CPPED1: variants seen among roughly 807,000 people sequenced by gnomAD.
The protein encoded by CPPED1 is calcineurin like phosphoesterase domain containing 1.
CPPED1 carries 28 observed loss-of-function variants against 28.0 expected under a neutral mutation model. The observed-to-expected ratio is 1.00, with a 90% CI of 0.74 to 1.37. The LOEUF (loss-of-function observed/expected upper bound fraction) is 1.37, where lower values mean the gene tolerates loss of function less well. Among genes scored for constraint, CPPED1 ranks in the 40% most tolerant of loss-of-function variants. CPPED1 has a pLI of 0.00. For synonymous variants in CPPED1, 198 were observed against 180.2 expected (o/e 1.10, Z -0.79); for missense variants, 504 against 416.5 (o/e 1.21, Z -1.83).
intron 2 of CPPED1, among the ~76,000 whole-genome samples, chr16:12,714,356 T>C (rs1180255205): frequency 6.6e-6 from 1 of 152,232 alleles, no homozygotes; most frequent in Non-Finnish European, 1.5e-5. Flanking sequence ...TGTTTACTTC[T>C]TTAAGAAGCT....
chr16:12,785,566 T>C (rs1190825794), intron 1 of CPPED1, among the ~76,000 whole-genome samples: 2 of 152,060 alleles, frequency 1.3e-5, no homozygotes, highest in Non-Finnish European at 2.9e-5. Context: ...TAGCTGCGAT[T>C]ACAGGCATGC....
intron 2 of CPPED1, 39 bp downstream of exon 2, chr16:12,781,146 T>C (rs970212227): frequency 2.3e-5 from 36 of 1,573,662 alleles, no homozygotes; most frequent in Non-Finnish European, 2.9e-5. Context: ...CATGACCGGC[T>C]GAAGGAGAAA....
intron 3 of CPPED1, among the ~76,000 whole-genome samples, chr16:12,676,206 T>A (rs2079876987): frequency 6.6e-6 from 1 of 152,100 alleles, no homozygotes; most frequent in African/African-American, 2.4e-5. Flanking sequence ...GGGATCCGGG[T>A]AAGGTGGGAG....
At chr16:12,778,653 A>C in intron 2 of CPPED1, among the ~76,000 whole-genome samples, 1 of 152,246 alleles carries the variant, frequency 6.6e-6, no homozygotes, top group East Asian at 1.9e-4. Flanking sequence ...TGCATTTGAT[A>C]ATGAAGAATG....
At chr16:12,732,134 C>T (rs553372586) in intron 2 of CPPED1, among the ~76,000 whole-genome samples, 8 of 149,278 alleles carry the variant, frequency 5.4e-5, no homozygotes, top group East Asian at 3.9e-4. Context: ...GGATGACAAA[C>T]GTGAAACCCG....
At chr16:12,769,296 A>G (rs578174072) in intron 2 of CPPED1, among the ~76,000 whole-genome samples, 1 of 152,192 alleles carries the variant, frequency 6.6e-6, no homozygotes, top group African/African-American at 2.4e-5. Flanking sequence ...CCGTATTTCA[A>G]TAGAATTGGT....
At chr16:12,774,538 T>C (rs2080486843) in intron 2 of CPPED1, among the ~76,000 whole-genome samples, 1 of 152,222 alleles carries the variant, frequency 6.6e-6, no homozygotes, top group African/African-American at 2.4e-5. Context: ...ATCTCTTTTA[T>C]TAACTGACAC....
At chr16:12,677,394 T>C (rs561463556) in intron 3 of CPPED1, among the ~76,000 whole-genome samples, 1 of 152,352 alleles carries the variant, frequency 6.6e-6, no homozygotes, top group South Asian at 2.1e-4. Context: ...ATCCCAGCAC[T>C]TTGGGAGGCC....
At chr16:12,772,640 T>C (rs2080476538) in intron 2 of CPPED1, among the ~76,000 whole-genome samples, 1 of 152,254 alleles carries the variant, frequency 6.6e-6, no homozygotes, top group Non-Finnish European at 1.5e-5. Context: ...GGGACCCTTT[T>C]AACTTCTGAA....
At chr16:12,728,151 T>C (rs1042728268) in intron 2 of CPPED1, among the ~76,000 whole-genome samples, 3 of 152,204 alleles carry the variant, frequency 2.0e-5, no homozygotes, top group African/African-American at 7.2e-5. Context: ...CTTTTCAAAA[T>C]TGCTCTTATC....
chr16:12,802,775 G>A (rs2080668245), intron 1 of CPPED1, among the ~76,000 whole-genome samples: 1 of 152,214 alleles, frequency 6.6e-6, no homozygotes, highest in Non-Finnish European at 1.5e-5. Flanking sequence ...AAGACCCTCA[G>A]GGAAAGAACG....
At chr16:12,731,310 C>T (rs890221398) in intron 2 of CPPED1, among the ~76,000 whole-genome samples, 33 of 151,384 alleles carry the variant, frequency 2.2e-4, no homozygotes, top group Non-Finnish European at 3.5e-4. Flanking sequence ...CCCGCCACCA[C>T]GCCTGGCTGA....
At chr16:12,787,344 T>A (rs967093111) in intron 1 of CPPED1, among the ~76,000 whole-genome samples, 3 of 152,124 alleles carry the variant, frequency 2.0e-5, no homozygotes, top group African/African-American at 4.8e-5. Context: ...AAACATACAT[T>A]TATTTAATTA....
intron 2 of CPPED1, among the ~76,000 whole-genome samples, chr16:12,725,409 A>G (rs533340098): frequency 4.1e-4 from 62 of 152,280 alleles, no homozygotes; most frequent in African/African-American, 1.4e-3. Flanking sequence ...GATTCTTGAC[A>G]AGTGTTTACT....
At chr16:12,710,251 T>G (rs2080073245) in intron 2 of CPPED1, among the ~76,000 whole-genome samples, 1 of 152,072 alleles carries the variant, frequency 6.6e-6, no homozygotes, top group Non-Finnish European at 1.5e-5. Context: ...AAGAAGGATT[T>G]AAGAGATATT....
At chr16:12,794,142 G>A (rs573887077) in intron 1 of CPPED1, among the ~76,000 whole-genome samples, 157 of 152,286 alleles carry the variant, frequency 1.0e-3, no homozygotes, top group Admixed American at 2.4e-3. Flanking sequence ...GAAGCTGCCA[G>A]AATGGTATGC....
chr16:12,750,182 T>C (rs1183761363), intron 2 of CPPED1, among the ~76,000 whole-genome samples: 1 of 152,238 alleles, frequency 6.6e-6, no homozygotes, highest in African/African-American at 2.4e-5. Flanking sequence ...TTATCATTTA[T>C]GTGTTTAGAG....
intron 3 of CPPED1, among the ~76,000 whole-genome samples, chr16:12,703,232 C>A (rs1212136686): frequency 3.3e-5 from 5 of 152,142 alleles, no homozygotes; most frequent in African/African-American, 1.2e-4. Context: ...AACTTTATCT[C>A]CATGGAACAG....
intron 2 of CPPED1, among the ~76,000 whole-genome samples, chr16:12,749,481 C>T (rs1197029800): frequency 6.6e-6 from 1 of 152,240 alleles, no homozygotes; most frequent in Non-Finnish European, 1.5e-5. Context: ...GCAGTTCTGT[C>T]TTCTACTGAA....
Sources: gnomAD v4.1 joint callset for allele counts (sites outside exome capture counted in the v4.1 genomes callset) on GRCh38, gnomAD v4.1.1 for gene constraint, MANE v1.5 for transcripts, NCBI Gene and HGNC (gene_info 2026-07-23, HGNC 2026-07-21) for gene names.